NOVA2: variants seen among roughly 807,000 people sequenced by gnomAD.
NOVA2 encodes RNA-binding protein Nova-2.
A neutral mutation model predicts 22.5 loss-of-function variants in NOVA2; 9 were observed. The observed-to-expected ratio is 0.40, with a 90% CI of 0.24 to 0.70. NOVA2 has a LOEUF of 0.70. Among genes scored for constraint, NOVA2 ranks in the 30% least tolerant of loss-of-function variants. The pLI, the probability that NOVA2 is intolerant of heterozygous loss-of-function variation, is 0.38. For missense variants in NOVA2, 383 were observed against 682.8 expected (o/e 0.56, Z 4.89); for synonymous variants, 318 against 335.2 (o/e 0.95, Z 0.56).
At chr19:45,963,530 TTTC>T (rs1968125929) in intron 1 of NOVA2, among the ~76,000 whole-genome samples, 1 of 150,666 alleles carries the variant, frequency 6.6e-6, no homozygotes, top group Non-Finnish European at 1.5e-5. Flanking sequence ...CCTCAGTCAG[TTTC>T]TTTTTTTTTT....
At position 45,949,321 on chromosome 19, in the gene NOVA2, C is replaced by CA. The variant is rs11320511; in HGVS notation, c.396+4458dup. ...TTATAGCTCAACAGAGCTGTTATTT[C>CA]AAAAAAAAAAAAAAAAAAACACCAG... On this transcript the variant is annotated intron_variant, in intron 3 of 3. Coordinates refer to ENST00000263257, the MANE Select transcript of NOVA2 (RefSeq NM_002516.4). Among the ~76,000 whole-genome samples the CA allele has an allele frequency of 9.3e-3, 1,172 of 126,612 alleles. 13 individuals carry two copies. Among genetic ancestry groups the CA allele is most frequent in the African/African-American group, 0.028 (925 of 32,708 alleles). The allele number at this position is 126,612 out of a possible 152,430, so 83.1% of individuals were successfully genotyped here.
At position 45,940,598 on chromosome 19, in the gene NOVA2, G is replaced by GGCGGCGGCCGACGCT; in HGVS notation, c.729_743dup (p.Ala246_Ser250dup). On this transcript the variant is annotated inframe_insertion, in exon 4 of 4. Transcript: ENST00000263257. ...CGGCGGGGCCCAGCAGGCCGGAGGCGGCGGCGGCCGACGCTGCGGCCGCGG... is the reference window on the plus strand; with the variant it reads ...CGGCGGGGCCCAGCAGGCCGGAGGCGGCGGCGGCCGACGCTGCGGCGGCCGACGCTGCGGCCGCGG... 1 of 1,420,088 alleles carries GGCGGCGGCCGACGCT rather than the reference G, an allele frequency of 7.0e-7. No individual in the cohort carries two copies. Among genetic ancestry groups the GGCGGCGGCCGACGCT allele is most frequent in the South Asian group, 1.6e-5 (1 of 63,772 alleles). 88.0% of individuals were successfully genotyped at this position (1,420,088 alleles called of 1,614,324 possible). A position where few individuals can be genotyped will look rare whatever the true frequency, so the allele number is the denominator to read the frequency against.
Position 45,934,811 on chromosome 19 carries a change from A to C in NOVA2, c.*5052T>G, listed in dbSNP as rs1403237039. The stretch of plus-strand genomic sequence containing the variant: ...CAAATAGCATAGATATTTATAGAGG[A>C]TGTCAATCCCCAGGGTGGGGCAGAC... On this transcript the variant is annotated 3_prime_UTR_variant, in exon 4 of 4. Transcript: ENST00000263257. 7.8e-6 allele frequency: 1 copy of C among 128,124 alleles called. No homozygotes were observed. Among genetic ancestry groups the C allele is most frequent in the African/African-American group, 2.9e-5 (1 of 34,370 alleles). The allele number at this position is 128,124 out of a possible 1,614,324, so 7.9% of individuals were successfully genotyped here. A position where few individuals can be genotyped will look rare whatever the true frequency, so the allele number is the denominator to read the frequency against.
chr19:45,951,643 A>G (rs1054464650), intron 3 of NOVA2, among the ~76,000 whole-genome samples: 1 of 136,364 alleles, frequency 7.3e-6, no homozygotes, highest in African/African-American at 3.0e-5. Context: ...GAAAAGAAAA[A>G]AAAATTAGCC....
At position 45,937,169 on chromosome 19, in the gene NOVA2, A is replaced by G. The variant is rs545953188; in HGVS notation, c.*2694T>C. On this transcript the variant is annotated 3_prime_UTR_variant, in exon 4 of 4. Coordinates refer to ENST00000263257, the MANE Select transcript of NOVA2 (RefSeq NM_002516.4). ...GGTAGGGGGTCCCCAAGAAATATGA[A>G]TAGGGAGGGGTTGTTACACAGACAC... is the stretch of plus-strand genomic sequence containing the variant. The G allele has an allele frequency of 6.6e-6, 1 of 152,118 alleles. No homozygotes were observed. Among genetic ancestry groups the G allele is most frequent in the Non-Finnish European group, 1.5e-5 (1 of 68,030 alleles). 9.4% of individuals were successfully genotyped at this position (152,118 alleles called of 1,614,324 possible). A position where few individuals can be genotyped will look rare whatever the true frequency, so the allele number is the denominator to read the frequency against.
At chr19:45,973,186 T>C (rs1457309021) in intron 1 of NOVA2, 81 bp downstream of exon 1, 8 of 645,166 alleles carry the variant, frequency 1.2e-5, no homozygotes, top group Non-Finnish European at 1.6e-5. Context: ...CCCTTGCACC[T>C]GCCACGGGAG....
In NOVA2 at chr19:45,939,767, A is replaced by T. The variant is rs1967715438; in HGVS notation, c.*96T>A. The T allele has an allele frequency of 1.3e-6, 2 of 1,501,978 alleles. No homozygotes were observed. The highest frequency in any genetic ancestry group is 1.9e-5 in the Admixed American group (1 of 51,700). 93.0% of individuals were successfully genotyped at this position (1,501,978 alleles called of 1,614,324 possible). ...CCAGCCCCATCCCAAGAGGAGCAGG[A>T]CTACACCAAGCTGAGGTCAGGAGTT... On this transcript the variant is annotated 3_prime_UTR_variant, in exon 4 of 4. Transcript: ENST00000263257.
chr19:45,960,075 G>A (rs538958072), intron 2 of NOVA2, among the ~76,000 whole-genome samples: 4 of 151,376 alleles, frequency 2.6e-5, no homozygotes, highest in Non-Finnish European at 5.9e-5. Context: ...GAGGGGCCTT[G>A]GAAAATGTAT....
Position 45,939,568 on chromosome 19 carries a change from A to C in NOVA2, c.*295T>G. ...AAAATCAACAAAATGCAATATATAC[A>C]GATATCACACAGACCTGGGCCCTGG... On this transcript the variant is annotated 3_prime_UTR_variant, in exon 4 of 4. Transcript: ENST00000263257. 2.7e-6 allele frequency: 1 copy of C among 372,390 alleles called. No homozygotes were observed. The allele number at this position is 372,390 out of a possible 1,614,324, so 23.1% of individuals were successfully genotyped here. A position where few individuals can be genotyped will look rare whatever the true frequency, so the allele number is the denominator to read the frequency against.
intron 3 of NOVA2, among the ~76,000 whole-genome samples, chr19:45,952,774 G>A (rs1967945220): frequency 6.6e-6 from 1 of 152,210 alleles, no homozygotes; most frequent in Admixed American, 6.5e-5. Context: ...CCCAAGCCCT[G>A]CGGTCTTTTT....
intron 1 of NOVA2, among the ~76,000 whole-genome samples, chr19:45,970,096 C>T (rs1968214704): frequency 6.6e-6 from 1 of 152,144 alleles, no homozygotes; most frequent in African/African-American, 2.4e-5. Flanking sequence ...TGCTTATCAG[C>T]TGAGTGACGT....
At chr19:45,960,668 G>C (rs895113720) in intron 2 of NOVA2, among the ~76,000 whole-genome samples, 2 of 152,070 alleles carry the variant, frequency 1.3e-5, no homozygotes, top group African/African-American at 4.8e-5. Flanking sequence ...TGGCCCCCAA[G>C]CCCGGAGGGA....
chr19:45,953,656 TTTGACTGA>T, intron 3 of NOVA2, 116 bp downstream of exon 3: 2 of 1,224,260 alleles, frequency 1.6e-6, no homozygotes, highest in Non-Finnish European at 2.4e-6. Flanking sequence ...CCATGTGGTC[TTTGACTGA>T]TGAGATTTTT....
At chr19:45,947,368 G>A (rs917504306) in intron 3 of NOVA2, among the ~76,000 whole-genome samples, 4 of 152,122 alleles carry the variant, frequency 2.6e-5, no homozygotes, top group East Asian at 1.9e-4. Context: ...TGGTGGGGGT[G>A]GGGAGTGGTA....
At position 45,973,424 on chromosome 19, in the gene NOVA2, C is replaced by G. The variant is rs1968261730; in HGVS notation, c.-73G>C. 1 of 252,886 alleles carries G rather than the reference C, an allele frequency of 4.0e-6. No individual in the cohort carries two copies. The highest frequency in any genetic ancestry group is 2.6e-5 in the African/African-American group (1 of 38,592). 15.7% of individuals were successfully genotyped at this position (252,886 alleles called of 1,614,324 possible). A position where few individuals can be genotyped will look rare whatever the true frequency, so the allele number is the denominator to read the frequency against. ...GCGGCGGCGGCGGCTGCTGTGGCGG[C>G]GGCGACGGCTGCTGGGGAGGCTGGG... On this transcript the variant is annotated 5_prime_UTR_variant, in exon 1 of 4. Transcript: ENST00000263257.
intron 1 of NOVA2, 117 bp from the exon 2 acceptor site, chr19:45,961,270 A>T: frequency 1.6e-6 from 1 of 637,338 alleles, no homozygotes; most frequent in Non-Finnish European, 2.7e-6. Context: ...AATACAAATA[A>T]TGATCTTCAT....
intron 1 of NOVA2, among the ~76,000 whole-genome samples, chr19:45,964,442 CAT>C (rs1346798106): frequency 6.7e-6 from 1 of 149,710 alleles, no homozygotes; most frequent in African/African-American, 2.5e-5. Context: ...GCCAGGCTAA[CAT>C]GTGCTGAGAT....
At chr19:45,972,497 C>G (rs55717480) in intron 1 of NOVA2, among the ~76,000 whole-genome samples, 63,461 of 152,026 alleles carry the variant, frequency 0.42, 14,164 homozygotes, top group Non-Finnish European at 0.5. Flanking sequence ...GTGTCACACT[C>G]TGCCACAGCC....
At chr19:45,952,448 T>C (rs1967940294) in intron 3 of NOVA2, among the ~76,000 whole-genome samples, 2 of 152,284 alleles carry the variant, frequency 1.3e-5, no homozygotes, top group South Asian at 4.1e-4. Flanking sequence ...TTTGGAACAC[T>C]CGAGTAATAA....
Sources: allele counts gnomAD v4.1 joint callset (sites outside exome capture counted in the v4.1 genomes callset), GRCh38; gene constraint gnomAD v4.1.1; transcripts MANE v1.5; gene names NCBI Gene and HGNC (gene_info 2026-07-23, HGNC 2026-07-21).